ZMYM2: variants seen among roughly 807,000 people sequenced by gnomAD.
ZMYM2 encodes the protein zinc finger MYM-type protein 2.
Under a neutral mutation model 162.8 loss-of-function variants are expected in ZMYM2, and 56 were observed. That is an observed-to-expected ratio of 0.34 (90% CI 0.28 to 0.43). The LOEUF (loss-of-function observed/expected upper bound fraction) is 0.43. ZMYM2 is among the 20% of genes least tolerant of loss of function. The pLI, the probability that ZMYM2 is intolerant of heterozygous loss-of-function variation, is 1.00. For synonymous variants in ZMYM2, 510 were observed against 541.6 expected, an observed-to-expected ratio of 0.94 and a Z score of 0.81; for missense variants, 1,275 against 1,621.8, an observed-to-expected ratio of 0.79 and a Z score of 3.67.
the ZMYM2 span, among the ~76,000 whole-genome samples, chr13:19,933,886 G>A: frequency 6.6e-6 from 1 of 152,160 alleles, no homozygotes; most frequent in Non-Finnish European, 1.5e-5. Flanking sequence ...CTAGCATCTG[G>A]GAGAGTCAGT....
chr13:20,054,103 TAA>T (rs1955594121), intron 14 of ZMYM2, among the ~76,000 whole-genome samples: 2 of 152,244 alleles, frequency 1.3e-5, no homozygotes, highest in Non-Finnish European at 2.9e-5. Flanking sequence ...TTTTGTCATA[TAA>T]AGTCCTCTCC....
At chr13:19,973,330 C>CTAGTTATAGT (rs1751186047) in intron 2 of ZMYM2, among the ~76,000 whole-genome samples, 1 of 151,920 alleles carries the variant, frequency 6.6e-6, no homozygotes, top group African/African-American at 2.4e-5. Context: ...ATAGGAATAA[C>CTAGTTATAGT]TATAACAGGA....
the ZMYM2 span, among the ~76,000 whole-genome samples, chr13:19,866,312 T>C: frequency 1.3e-4 from 20 of 152,146 alleles, no homozygotes; most frequent in Admixed American, 6.6e-5. Flanking sequence ...CATTAATTAA[T>C]AAAAGCTTGT....
chr13:19,887,984 C>T, the ZMYM2 span, among the ~76,000 whole-genome samples: 2 of 151,094 alleles, frequency 1.3e-5, no homozygotes, highest in African/African-American at 2.4e-5. Flanking sequence ...CGGGTTCAAG[C>T]GATTCTCCTG....
the ZMYM2 span, among the ~76,000 whole-genome samples, chr13:19,871,292 AAAC>A: frequency 3.3e-5 from 5 of 152,238 alleles, no homozygotes; most frequent in Non-Finnish European, 7.3e-5. Flanking sequence ...AAAGAAAGTG[AAAC>A]AACAATAATG....
chr13:20,003,034 T>C lies in ZMYM2; in HGVS notation c.1032T>C (p.Ala344=). The change falls in exon 4 of 25, where the codon GCT becomes GCC. Residue 344 remains alanine, a synonymous_variant. Transcript: ENST00000610343. ...AACCTTTACAGAAGGGCCAGACAGC[T>C]TATCAACGAAAAGGATCAGCTCACC... is the stretch of plus-strand genomic sequence containing the variant. The part of the protein sequence containing the change: ...CKKPLQKGQT[A]YQRKGSAHLF... 6.2e-7 allele frequency: 1 copy of C among 1,614,208 alleles called. No homozygotes were observed.
At chr13:20,048,281 T>G (rs975097795) in intron 12 of ZMYM2, among the ~76,000 whole-genome samples, 2 of 61,696 alleles carry the variant, frequency 3.2e-5, no homozygotes, top group Non-Finnish European at 6.8e-5. Flanking sequence ...TATAAACAGC[T>G]ATATCCATTT....
chr13:20,003,460 T>A (rs1381356571), intron 4 of ZMYM2, among the ~76,000 whole-genome samples: 2 of 152,198 alleles, frequency 1.3e-5, no homozygotes, highest in African/African-American at 4.8e-5. Context: ...ATTGGTTAAA[T>A]TTTACCCTGT....
At chr13:19,974,877 T>G (rs565846748) in intron 2 of ZMYM2, among the ~76,000 whole-genome samples, 1 of 152,208 alleles carries the variant, frequency 6.6e-6, no homozygotes, top group East Asian at 1.9e-4. Flanking sequence ...ACTGTACCAA[T>G]TAACAGAATA....
chr13:20,068,387 G>A lies in ZMYM2; in HGVS notation c.3453+997G>A, dbSNP rs140992038. The A allele has an allele frequency of 2.8e-3, 470 of 168,318 alleles. 5 individuals carry two copies. Among genetic ancestry groups the A allele is most frequent in the African/African-American group, 0.011 (447 of 41,982 alleles). 10.4% of individuals were successfully genotyped at this position (168,318 alleles called of 1,614,324 possible). On this transcript the variant is annotated intron_variant, in intron 21 of 24. Transcript: ENST00000610343. ...AGCTGTTGTTGTCTTTATTACTCTT[G>A]GTGTTAATATTCGTCCATAGAACAT... is the stretch of plus-strand genomic sequence containing the variant.
Position 20,086,150 on chromosome 13 carries a change from C to A in ZMYM2, c.*136C>A. On this transcript the variant is annotated 3_prime_UTR_variant, in exon 25 of 25. Coordinates refer to ENST00000610343, the MANE Select transcript of ZMYM2 (RefSeq NM_197968.4). ...GCAGTGTACCCACGCTGGGTATTAC[C>A]ATGTAAATAATCTGTGAGTGAAAGT... 1 of 746,702 alleles carries A rather than the reference C, an allele frequency of 1.3e-6. No individual in the cohort carries two copies. Among genetic ancestry groups the A allele is most frequent in the Non-Finnish European group, 2.0e-6 (1 of 497,312 alleles). 46.3% of individuals were successfully genotyped at this position (746,702 alleles called of 1,614,324 possible).
the ZMYM2 span, among the ~76,000 whole-genome samples, chr13:19,878,517 C>CCCTTTTTTTTTTTTTTTTTTTTTTT: frequency 1.0e-5 from 1 of 99,028 alleles, no homozygotes; most frequent in Non-Finnish European, 2.1e-5. Context: ...TTCCTTTGCC[C>CCCTTTTTTTTTTTTTTTTTTTTTTT]TTTTTTTTTT....
At chr13:19,929,163 A>G in the ZMYM2 span, among the ~76,000 whole-genome samples, 1 of 152,276 alleles carries the variant, frequency 6.6e-6, no homozygotes, top group South Asian at 2.1e-4. Context: ...ATAAATAATG[A>G]TAGCTTTGTT....
chr13:19,949,785 G>T, the ZMYM2 span, among the ~76,000 whole-genome samples: 1 of 151,362 alleles, frequency 6.6e-6, no homozygotes, highest in Admixed American at 6.6e-5. Context: ...TACTTGGGAG[G>T]CTGAGGCAGA....
At chr13:20,074,932 A>G (rs939499757) in intron 21 of ZMYM2, among the ~76,000 whole-genome samples, 5 of 152,204 alleles carry the variant, frequency 3.3e-5, no homozygotes, top group African/African-American at 1.2e-4. Flanking sequence ...AATGGTTAAG[A>G]TGGTAATTTT....
intron 9 of ZMYM2, among the ~76,000 whole-genome samples, chr13:20,027,728 A>G (rs1353203828): frequency 6.6e-6 from 1 of 152,150 alleles, no homozygotes; most frequent in African/African-American, 2.4e-5. Flanking sequence ...CCATGTAAAG[A>G]GGGAATTAGA....
At chr13:19,918,315 G>A in the ZMYM2 span, among the ~76,000 whole-genome samples, 1 of 151,196 alleles carries the variant, frequency 6.6e-6, no homozygotes, top group Non-Finnish European at 1.5e-5. Context: ...CGTGATGGCA[G>A]GCGCCTATAG....
chr13:19,890,019 C>T, the ZMYM2 span, among the ~76,000 whole-genome samples: 1 of 151,852 alleles, frequency 6.6e-6, no homozygotes, highest in South Asian at 2.1e-4. Flanking sequence ...CACAGGACTA[C>T]ACCTCAAACT....
intron 10 of ZMYM2, among the ~76,000 whole-genome samples, chr13:20,032,599 C>CTTTTTTTTTTTT (rs57294389): frequency 4.5e-5 from 3 of 66,040 alleles, no homozygotes; most frequent in African/African-American, 1.4e-4. Flanking sequence ...TTTTTTCTGT[C>CTTTTTTTTTTTT]TTTTTTTTTT....
Sources: allele counts gnomAD v4.1 joint callset (sites outside exome capture counted in the v4.1 genomes callset), GRCh38; gene constraint gnomAD v4.1.1; transcripts MANE v1.5; gene names NCBI Gene and HGNC (gene_info 2026-07-23, HGNC 2026-07-21).